Variants in ANK1 observed in about 807,000 individuals in gnomAD.
ANK1 encodes ankyrin 1.
ANK1 carries 51 observed loss-of-function variants against 210.4 expected under a neutral mutation model. The ratio of observed to expected loss-of-function variants is 0.24; its 90% confidence interval spans 0.19 to 0.31. The LOEUF is 0.31. Ranked by LOEUF, ANK1 falls within the 10% of genes least tolerant of loss-of-function variation. ANK1 has a pLI of 1.00. For missense variants in ANK1, 2,051 were observed against 2,504.4 expected (o/e 0.82, Z 3.86); for synonymous variants, 967 against 1,025.9 (o/e 0.94, Z 1.10).
intron 1 of ANK1, among the ~76,000 whole-genome samples, chr8:41,763,022 C>T (rs959064597): frequency 1.3e-5 from 2 of 152,080 alleles, no homozygotes; most frequent in African/African-American, 4.8e-5. Context: ...TAGAGACCAG[C>T]CTGGTCAACA....
chr8:41,823,433 A>G (rs1200795247), intron 1 of ANK1, among the ~76,000 whole-genome samples: 1 of 152,236 alleles, frequency 6.6e-6, no homozygotes, highest in Non-Finnish European at 1.5e-5. Context: ...TTCTAAATGT[A>G]TTATGCAATG....
intron 39 of ANK1, chr8:41,664,261 C>G (rs1809592101): frequency 2.3e-6 from 1 of 432,264 alleles, no homozygotes; most frequent in South Asian, 1.6e-5. Flanking sequence ...CACTTGAGCC[C>G]AGGAGTTCAA....
At chr8:41,701,782 G>C (rs1822870591) in intron 21 of ANK1, among the ~76,000 whole-genome samples, 160 bp from the exon 22 acceptor site, 1 of 152,222 alleles carries the variant, frequency 6.6e-6, no homozygotes, top group African/African-American at 2.4e-5. Flanking sequence ...GGAACCACGG[G>C]GACGGGACCC....
chr8:41,861,144 A>G (rs1813192019), intron 1 of ANK1, among the ~76,000 whole-genome samples: 1 of 152,190 alleles, frequency 6.6e-6, no homozygotes, highest in Non-Finnish European at 1.5e-5. Flanking sequence ...AGGCCTGTGG[A>G]TACCAGACTT....
At chr8:41,656,327 G>A (rs1010367434) in intron 42 of ANK1, among the ~76,000 whole-genome samples, 8 of 152,212 alleles carry the variant, frequency 5.3e-5, no homozygotes, top group African/African-American at 1.7e-4. Context: ...CCTCAAGGGT[G>A]ACAGCTCCCC....
intron 2 of ANK1, among the ~76,000 whole-genome samples, chr8:41,755,948 T>C (rs1839041293): frequency 1.3e-5 from 2 of 152,136 alleles, no homozygotes; most frequent in Admixed American, 1.3e-4. Flanking sequence ...TCACTTTCCC[T>C]CTGAAGTGCA....
chr8:41,836,951 G>T (rs941626121), intron 1 of ANK1, among the ~76,000 whole-genome samples: 8 of 151,918 alleles, frequency 5.3e-5, no homozygotes, highest in Non-Finnish European at 1.2e-4. Flanking sequence ...CAAAAGGAGG[G>T]TAAGAGGTTT....
chr8:41,860,270 G>A (rs1305759401), intron 1 of ANK1, among the ~76,000 whole-genome samples: 1 of 152,160 alleles, frequency 6.6e-6, no homozygotes, highest in African/African-American at 2.4e-5. Context: ...AGTCCTGCTT[G>A]GCCCAGATGC....
At chr8:41,895,041 T>C (rs1252029031) in intron 1 of ANK1, among the ~76,000 whole-genome samples, 2 of 152,092 alleles carry the variant, frequency 1.3e-5, no homozygotes, top group Non-Finnish European at 2.9e-5. Context: ...GTTACTTCCT[T>C]TGAAATCAGA....
chr8:41,669,126 G>A (rs771551350), intron 38 of ANK1, among the ~76,000 whole-genome samples: 2 of 150,802 alleles, frequency 1.3e-5, no homozygotes, highest in Non-Finnish European at 2.9e-5. Context: ...AGCACCCCGG[G>A]GTGCAGTTCT....
chr8:41,723,425 G>T (rs1586463064), intron 8 of ANK1, 110 bp downstream of exon 8: 2 of 1,327,712 alleles, frequency 1.5e-6, no homozygotes, highest in Non-Finnish European at 2.2e-6. Flanking sequence ...GGCTCCGGGA[G>T]GCTGGTGGTG....
At position 41,836,246 on chromosome 8, in the gene ANK1, C is replaced by T. The variant is rs79062292; in HGVS notation, c.126+60109G>A. Among the ~76,000 whole-genome samples, 14 of 152,354 alleles carry T rather than the reference C, an allele frequency of 9.2e-5. No homozygotes were observed. The East Asian group carries it at 2.3e-3, about 25-fold the overall frequency. On this transcript the variant is annotated intron_variant, in intron 1 of 42. Coordinates refer to the ANK1 transcript ENST00000265709. ...AGATCCCGTCGCAACAAAATGCTGC[C>T]GACTGCTCAGTATTTTCATTCACAA...
At chr8:41,755,306 C>G (rs1484096486) in intron 2 of ANK1, among the ~76,000 whole-genome samples, 1 of 152,240 alleles carries the variant, frequency 6.6e-6, no homozygotes, top group Non-Finnish European at 1.5e-5. Flanking sequence ...AATCAGGACA[C>G]AGCTATTCCC....
chr8:41,797,656 G>T, upstream of ANK1: 2 of 1,476,554 alleles, frequency 1.4e-6, no homozygotes, highest in South Asian at 2.7e-5. The surrounding 1 kb of genome is among the most constrained non-coding windows in gnomAD (Gnocchi z 4.0). Context: ...AGGCCCCCGA[G>T]GGCCTTATCG....
chr8:41,679,075 C>T lies in ANK1; in HGVS notation c.4537+5469G>A, dbSNP rs1179626948. On this transcript the variant is annotated intron_variant, in intron 37 of 42. Coordinates refer to ENST00000289734, the MANE Select transcript of ANK1 (RefSeq NM_000037.4). ...TGCTGGGATTACAGGCATGAGCCAC[C>T]ATGCCCAGTCCTTTGTCTGCTAATT... Among the ~76,000 whole-genome samples, 7 of 152,338 alleles carry T rather than the reference C, an allele frequency of 4.6e-5. No homozygotes were observed. In the East Asian group the frequency reaches 1.4e-3, roughly 29 times the overall value.
chr8:41,707,528 T>C (rs958387001), intron 17 of ANK1, among the ~76,000 whole-genome samples: 2 of 152,010 alleles, frequency 1.3e-5, no homozygotes, highest in East Asian at 3.9e-4. Flanking sequence ...GTGGCTCCAA[T>C]GAGAACAGCC....
At chr8:41,702,853 T>G (rs541713865) in intron 20 of ANK1, among the ~76,000 whole-genome samples, 13 of 152,234 alleles carry the variant, frequency 8.5e-5, no homozygotes, top group Admixed American at 7.2e-4. Flanking sequence ...CAGAGTTCAC[T>G]CTGTCACCCA....
chr8:41,754,139 G>A (rs979451824), intron 2 of ANK1, among the ~76,000 whole-genome samples: 3 of 152,182 alleles, frequency 2.0e-5, no homozygotes, highest in Admixed American at 6.5e-5. Context: ...AGTTCAGAAC[G>A]GATAAGGAAC....
chr8:41,823,754 A>G (rs1446526389), intron 1 of ANK1, among the ~76,000 whole-genome samples: 1 of 152,082 alleles, frequency 6.6e-6, no homozygotes, highest in East Asian at 1.9e-4. Context: ...ACAGAGCAAG[A>G]CCCTGTCTGA....
Sources: gnomAD v4.1 joint callset for allele counts (sites outside exome capture counted in the v4.1 genomes callset) on GRCh38, gnomAD v4.1.1 for gene constraint, Gnocchi (gnomAD v3.1) non-coding constraint, MANE v1.5 for transcripts, NCBI Gene and HGNC (gene_info 2026-07-23, HGNC 2026-07-21) for gene names.